ZNF177: variants seen among roughly 807,000 people sequenced by gnomAD.
The protein encoded by ZNF177 is zinc finger protein 177.
Under a neutral mutation model 19.4 loss-of-function variants are expected in ZNF177, and 17 were observed. The ratio of observed to expected loss-of-function variants is 0.87; its 90% CI spans 0.60 to 1.31. ZNF177 has a LOEUF of 1.31. ZNF177 is among the 40% of genes most tolerant of loss of function. The pLI is 0.00. For missense variants in ZNF177, 633 were observed against 561.8 expected (o/e 1.13, Z -1.28); for synonymous variants, 220 against 188.7 (o/e 1.17, Z -1.36).
At chr19:9,382,358 C>T (rs1010935267), downstream of ZNF177, 1 of 398,962 alleles carries the variant, frequency 2.5e-6, no homozygotes, top group East Asian at 3.6e-5. Flanking sequence ...TAACTATTTG[C>T]CCTTTGTCTT....
chr19:9,381,466 G>A (rs1164191936), exon 6 of ZNF177: 1 of 1,611,282 alleles, frequency 6.2e-7, no homozygotes, highest in African/African-American at 1.3e-5. Context: ...AGCCTTCATC[G>A]ATCAGTCATC....
At chr19:9,382,303 A>T, downstream of ZNF177, 1 of 398,830 alleles carries the variant, frequency 2.5e-6, no homozygotes, top group Non-Finnish European at 4.4e-6. Flanking sequence ...ACAGCTGCTA[A>T]GGAAGCTCAT....
At chr19:9,379,456 A>G in intron 3 of ZNF177, 71 bp from the exon 6 acceptor site, 1 of 1,534,820 alleles carries the variant, frequency 6.5e-7, no homozygotes, top group East Asian at 2.3e-5. Context: ...AAGCCAAAGT[A>G]TGGCAATCAG....
exon 6 of ZNF177, chr19:9,381,655 C>G: frequency 6.2e-7 from 1 of 1,614,166 alleles, no homozygotes; most frequent in Non-Finnish European, 8.5e-7. Flanking sequence ...CCTGAGGGTA[C>G]ACGTGAGAAC....
chr19:9,364,054 A>G (rs1274941106), intron 1 of ZNF177, among the ~76,000 whole-genome samples: 1 of 152,212 alleles, frequency 6.6e-6, no homozygotes, highest in Non-Finnish European at 1.5e-5. Flanking sequence ...GGTTTTTAGT[A>G]TATTGAGTTG....
At chr19:9,380,475 G>T in intron 5 of ZNF177, 193 bp from the exon 8 acceptor site, 1 of 1,112,286 alleles carries the variant, frequency 9.0e-7, no homozygotes, top group Non-Finnish European at 1.3e-6. Context: ...ATAGAGCCTT[G>T]GACAGAGGAG....
chr19:9,380,025 C>G, intron 4 of ZNF177, 32 bp from the exon 7 acceptor site: 1 of 1,598,914 alleles, frequency 6.3e-7, no homozygotes, highest in Non-Finnish European at 8.5e-7. Flanking sequence ...CCTTTTCTCC[C>G]AATAATTATA....
At chr19:9,379,540 C>T (rs374363898) in exon 4 of ZNF177, 16 of 1,613,756 alleles carry the variant, frequency 9.9e-6, no homozygotes, top group Non-Finnish European at 1.3e-5. Flanking sequence ...ATCAGCTCTG[C>T]AGACACAGTC....
intron 1 of ZNF177, among the ~76,000 whole-genome samples, chr19:9,363,660 C>T (rs545796980): frequency 6.6e-6 from 1 of 152,178 alleles, no homozygotes; most frequent in African/African-American, 2.4e-5. Flanking sequence ...TGACCAGATC[C>T]CCCTCTATGG....
chr19:9,381,718 A>G, exon 6 of ZNF177: 1 of 1,614,002 alleles, frequency 6.2e-7, no homozygotes. Flanking sequence ...AGCCTTTAGC[A>G]CAAGCACTAA....
upstream of ZNF177, chr19:9,371,589 A>C (rs200116109): frequency 6.6e-6 from 1 of 152,148 alleles, no homozygotes; most frequent in African/African-American, 2.4e-5. Flanking sequence ...GTCAGCTATC[A>C]GTCTGTTTTT....
upstream of ZNF177, among the ~76,000 whole-genome samples, chr19:9,373,970 TA>T (rs531783264): frequency 2.1e-4 from 32 of 150,702 alleles, no homozygotes; most frequent in African/African-American, 4.8e-4. Flanking sequence ...GTCAACTCTT[TA>T]AAAAAAAAAT....
At chr19:9,374,697 A>G (rs2068088225), upstream of ZNF177, among the ~76,000 whole-genome samples, 3 of 97,092 alleles carry the variant, frequency 3.1e-5, no homozygotes, top group African/African-American at 1.5e-4. Context: ...TAATTTTTGT[A>G]TGTTGATTTT....
At chr19:9,376,788 A>G (rs1004671783) in intron 1 of ZNF177, among the ~76,000 whole-genome samples, 6 of 152,156 alleles carry the variant, frequency 3.9e-5, no homozygotes, top group African/African-American at 1.4e-4. Flanking sequence ...AATCTTTTAC[A>G]CTAGAGATAA....
At chr19:9,364,011 A>G (rs918710237) in intron 1 of ZNF177, among the ~76,000 whole-genome samples, 2 of 152,214 alleles carry the variant, frequency 1.3e-5, no homozygotes, top group African/African-American at 4.8e-5. Flanking sequence ...ATAAAATCAT[A>G]TATTTCATCT....
At chr19:9,372,841 C>G (rs994950057), upstream of ZNF177, among the ~76,000 whole-genome samples, 1 of 152,118 alleles carries the variant, frequency 6.6e-6, no homozygotes, top group East Asian at 1.9e-4. Context: ...GCCACCACAC[C>G]CTGCCAGTTT....
exon 6 of ZNF177, chr19:9,380,905 A>G (rs1212423291): frequency 2.0e-6 from 3 of 1,536,142 alleles, no homozygotes; most frequent in Non-Finnish European, 2.6e-6. Context: ...GTCATCCCTC[A>G]GGAAACACTT....
exon 6 of ZNF177, chr19:9,381,847 G>A (rs773740299): frequency 7.9e-6 from 12 of 1,519,528 alleles, no homozygotes; most frequent in Admixed American, 2.2e-5. Flanking sequence ...TTGGAGAGAA[G>A]CCCTGTTATG....
chr19:9,369,244 G>C (rs1013917692), intron 2 of ZNF177, among the ~76,000 whole-genome samples: 5 of 151,934 alleles, frequency 3.3e-5, no homozygotes, highest in Admixed American at 2.0e-4. Flanking sequence ...AGCAGTGTTT[G>C]AAAGTCTTAT....
Sources: allele counts gnomAD v4.1 joint callset (sites outside exome capture counted in the v4.1 genomes callset), GRCh38; gene constraint gnomAD v4.1.1; transcripts MANE v1.5; gene names NCBI Gene and HGNC (gene_info 2026-07-23, HGNC 2026-07-21).